The following PCDH9 variants were observed in gnomAD, a reference collection of about 807,000 sequenced individuals.
PCDH9 encodes protocadherin 9, also known as protocadherin-9.
PCDH9 carries 24 observed loss-of-function variants against 70.6 expected under a neutral mutation model. The ratio of observed to expected loss-of-function variants is 0.34; its 90% CI spans 0.25 to 0.48. PCDH9 has a LOEUF of 0.48. Ranked by LOEUF, PCDH9 falls within the 20% of genes least tolerant of loss-of-function variation. The probability of loss-of-function intolerance (pLI) is 0.99; values close to 1 mark genes in which losing one functional copy is unlikely to be tolerated. For missense variants in PCDH9, 1,281 were observed against 1,503.6 expected, an observed-to-expected ratio of 0.85 and a Z score of 2.45; for synonymous variants, 562 against 558.5, an observed-to-expected ratio of 1.01 and a Z score of -0.09.
At chr13:66,656,823 T>C (rs2077937542) in intron 3 of PCDH9, among the ~76,000 whole-genome samples, 2 of 151,558 alleles carry the variant, frequency 1.3e-5, no homozygotes, top group South Asian at 4.2e-4. Flanking sequence ...GATCTCTCTT[T>C]ATACAGAAAG....
intron 2 of PCDH9, among the ~76,000 whole-genome samples, chr13:67,019,208 T>TC (rs2084625273): frequency 6.8e-6 from 1 of 146,548 alleles, no homozygotes; most frequent in African/African-American, 2.6e-5. Flanking sequence ...TTTTTTTTTT[T>TC]TCTGAGATGG....
chr13:67,200,580 T>C (rs903138656), intron 2 of PCDH9, among the ~76,000 whole-genome samples: 2 of 152,096 alleles, frequency 1.3e-5, no homozygotes, highest in African/African-American at 2.4e-5. Context: ...CCAAAAGTAA[T>C]GTACTGCAAA....
intron 4 of PCDH9, among the ~76,000 whole-genome samples, chr13:66,564,010 A>G (rs866058909): frequency 1.1e-4 from 16 of 152,040 alleles, no homozygotes; most frequent in South Asian, 2.1e-4. Context: ...TTGTATCCCC[A>G]GGGGCTAAAA....
chr13:66,393,255 T>A (rs1957048886), intron 4 of PCDH9, among the ~76,000 whole-genome samples: 1 of 149,898 alleles, frequency 6.7e-6, no homozygotes, highest in Non-Finnish European at 1.5e-5. Context: ...ATTTCATGTC[T>A]ACAAGTAGCC....
chr13:66,751,160 A>G (rs987885559), intron 3 of PCDH9, among the ~76,000 whole-genome samples: 2 of 152,134 alleles, frequency 1.3e-5, no homozygotes, highest in Non-Finnish European at 2.9e-5. Context: ...TTTCATAACA[A>G]CATACGTACC....
intron 3 of PCDH9, among the ~76,000 whole-genome samples, chr13:66,725,287 C>G (rs954537871): frequency 6.6e-6 from 1 of 152,186 alleles, no homozygotes; most frequent in African/African-American, 2.4e-5. Flanking sequence ...ATTGTCCAAG[C>G]TATTATCACC....
chr13:66,444,660 A>T (rs1293168487), intron 4 of PCDH9, among the ~76,000 whole-genome samples: 1 of 152,098 alleles, frequency 6.6e-6, no homozygotes, highest in Non-Finnish European at 1.5e-5. Flanking sequence ...TCCTAGGTTC[A>T]AGCGATTCTC....
intron 2 of PCDH9, among the ~76,000 whole-genome samples, chr13:67,115,250 A>G (rs1325284928): frequency 6.6e-6 from 1 of 152,198 alleles, no homozygotes; most frequent in Non-Finnish European, 1.5e-5. Context: ...TATAATTTGC[A>G]TCTGGTTTTG....
At chr13:66,859,553 AAAAATCATTTGAGTGCAACTTT>A (rs1447264835) in intron 3 of PCDH9, among the ~76,000 whole-genome samples, 1 of 152,240 alleles carries the variant, frequency 6.6e-6, no homozygotes, top group Non-Finnish European at 1.5e-5. Flanking sequence ...TTTCAGGCAC[AAAAATCATTTGAGTGCAACTTT>A]AGTGAAGAAA....
chr13:66,507,948 C>G (rs1352275846), intron 4 of PCDH9, among the ~76,000 whole-genome samples: 3 of 152,090 alleles, frequency 2.0e-5, no homozygotes, highest in African/African-American at 4.8e-5. Context: ...GTCTTGATCT[C>G]TTGACCTCGT....
chr13:66,745,023 C>A (rs750151141), intron 3 of PCDH9, among the ~76,000 whole-genome samples: 1 of 152,030 alleles, frequency 6.6e-6, no homozygotes, highest in African/African-American at 2.4e-5. Context: ...ATTCAGTCTC[C>A]GTAACGTAGC....
intron 2 of PCDH9, among the ~76,000 whole-genome samples, chr13:67,167,490 A>G (rs11838755): frequency 0.064 from 9,710 of 152,256 alleles, 478 homozygotes; most frequent in African/African-American, 0.12. Flanking sequence ...AAGTTTGATG[A>G]AGCCACTTTT....
Position 66,645,418 on chromosome 13 carries a change from A to C in PCDH9, c.3139-14007T>G, listed in dbSNP as rs77775414. Reference sequence around the variant, plus strand: ...AATATATTTTAGCAACATTGTTTTAAAACTTCCAATCTGTTCTCCTTACTA... The same window carrying C: ...AATATATTTTAGCAACATTGTTTTACAACTTCCAATCTGTTCTCCTTACTA... On this transcript the variant is annotated intron_variant, in intron 3 of 4. Transcript: ENST00000377865. 3.7e-3 allele frequency among the ~76,000 whole-genome samples: 565 copies of C among 152,256 alleles called. 19 individuals carry two copies. In the East Asian group the frequency reaches 0.089, roughly 24 times the overall value.
chr13:66,474,341 T>C (rs1958678633), intron 4 of PCDH9, among the ~76,000 whole-genome samples: 1 of 152,124 alleles, frequency 6.6e-6, no homozygotes, highest in African/African-American at 2.4e-5. Context: ...TTTCAATGGA[T>C]AAAATGAAGA....
At chr13:66,573,769 T>G (rs528479644) in intron 4 of PCDH9, among the ~76,000 whole-genome samples, 126 of 143,400 alleles carry the variant, frequency 8.8e-4, no homozygotes, top group South Asian at 2.1e-3. Context: ...TTGTTTGTTT[T>G]TTTGGTGCCA....
At chr13:66,619,128 C>T (rs893171724) in intron 4 of PCDH9, among the ~76,000 whole-genome samples, 1 of 152,044 alleles carries the variant, frequency 6.6e-6, no homozygotes, top group African/African-American at 2.4e-5. Flanking sequence ...ATATCAATAG[C>T]TTAACTACAT....
intron 2 of PCDH9, among the ~76,000 whole-genome samples, chr13:67,187,812 A>C (rs1451956633): frequency 6.6e-6 from 1 of 152,168 alleles, no homozygotes; most frequent in Non-Finnish European, 1.5e-5. Flanking sequence ...TTTATGAGGT[A>C]CATGTGATAT....
chr13:66,800,662 A>C (rs1237551588), intron 3 of PCDH9, among the ~76,000 whole-genome samples: 1 of 152,198 alleles, frequency 6.6e-6, no homozygotes, highest in Non-Finnish European at 1.5e-5. Context: ...TGCAGTCAGC[A>C]AGATGTCTCA....
chr13:66,990,500 A>G (rs2083979804), intron 2 of PCDH9, among the ~76,000 whole-genome samples: 1 of 150,790 alleles, frequency 6.6e-6, no homozygotes, highest in Admixed American at 6.6e-5. Flanking sequence ...TATGTAAAAG[A>G]ATATATCATT....
Sources: gnomAD v4.1 joint callset for allele counts (sites outside exome capture counted in the v4.1 genomes callset) on GRCh38, gnomAD v4.1.1 for gene constraint, MANE v1.5 for transcripts, NCBI Gene and HGNC (gene_info 2026-07-23, HGNC 2026-07-21) for gene names.